THADA: variants seen among roughly 807,000 people sequenced by gnomAD.
The protein encoded by THADA is THADA armadillo repeat containing, also known as tRNA (32-2'-O)-methyltransferase regulator THADA.
THADA carries 213 observed loss-of-function variants against 219.8 expected under a neutral mutation model. The observed-to-expected ratio is 0.97, with a 90% confidence interval of 0.87 to 1.09. The LOEUF is 1.09. Ranked by LOEUF, THADA falls within the 50% of genes least tolerant of loss-of-function variation. The pLI, the probability that THADA is intolerant of heterozygous loss-of-function variation, is 0.00. For synonymous variants in THADA, 1,018 were observed against 828.9 expected, an observed-to-expected ratio of 1.23 and a Z score of -3.92; for missense variants, 2,956 against 2,311.3, an observed-to-expected ratio of 1.28 and a Z score of -5.72.
chr2:43,539,776 T>C (rs1695065286), intron 21 of THADA, among the ~76,000 whole-genome samples: 1 of 152,152 alleles, frequency 6.6e-6, no homozygotes, highest in Admixed American at 6.5e-5. Context: ...CTTTGGTTTA[T>C]AAGAACCTGT....
chr2:43,541,162 C>A lies in THADA; in HGVS notation c.3261G>T (p.Glu1087Asp), dbSNP rs1465385865. The change falls in exon 21 of 38, where the codon GAG (glutamate) becomes GAT (aspartate). Residue 1087 changes from glutamate (E) to aspartate (D), a missense_variant. Transcript: ENST00000405975. The part of the protein sequence containing the change: ...PESSDGLLTV[E>D]QVKEIGDYFK... The stretch of plus-strand genomic sequence containing the variant: ...GTGGAATAAACATGTGCCTTACCTG[C>A]TCCACCGTCAATAATCCATCAGAAG... The A allele has an allele frequency of 1.3e-6, 2 of 1,568,596 alleles. No homozygotes were observed. The highest frequency in any genetic ancestry group is 1.7e-6 in the Non-Finnish European group (2 of 1,163,088).
intron 30 of THADA, among the ~76,000 whole-genome samples, chr2:43,330,968 C>T (rs564016078): frequency 3.9e-5 from 6 of 152,338 alleles, no homozygotes. Flanking sequence ...ATTACCTCTT[C>T]TACAAATATC....
intron 29 of THADA, among the ~76,000 whole-genome samples, chr2:43,357,694 A>G (rs1669030866): frequency 6.6e-6 from 1 of 152,232 alleles, no homozygotes. Context: ...CAAACTGTAC[A>G]GTCATTATAA....
In THADA at chr2:43,286,896, C is replaced by G; in HGVS notation, c.5164+12G>C. The G allele has an allele frequency of 1.2e-6, 2 of 1,606,390 alleles. No homozygotes were observed. The highest frequency in any genetic ancestry group is 2.2e-5 in the South Asian group (2 of 90,806). ...AGTTTGGTACAACAGACTTCCGTCTCGGCGCACTTACCAAGAATAGGATGG... is the reference window on the plus strand; with the variant it reads ...AGTTTGGTACAACAGACTTCCGTCTGGGCGCACTTACCAAGAATAGGATGG... On this transcript the variant is annotated intron_variant, in intron 35 of 37. Transcript: ENST00000405975.
chr2:43,487,361 C>T (rs966986324), intron 25 of THADA, among the ~76,000 whole-genome samples: 2 of 152,118 alleles, frequency 1.3e-5, no homozygotes, highest in African/African-American at 4.8e-5. Flanking sequence ...CTGCCAGATG[C>T]AGTAAAATTA....
intron 28 of THADA, among the ~76,000 whole-genome samples, chr2:43,401,689 A>T (rs1674864097): frequency 6.6e-6 from 1 of 152,216 alleles, no homozygotes; most frequent in East Asian, 1.9e-4. Flanking sequence ...ACATTCCTGT[A>T]GACAAAAGGG....
chr2:43,237,071 C>CAA lies in THADA; in HGVS notation c.5297-4191_5297-4190dup, dbSNP rs35242458. On this transcript the variant is annotated intron_variant, in intron 36 of 37. Transcript: ENST00000405975. ...TGGGTGATGGAGCAAGACTCTGTCT[C>CAA]AAAAAAAAAAAAAAAAAAACCAGGG... Among the ~76,000 whole-genome samples the CAA allele has an allele frequency of 1.6e-3, 124 of 78,174 alleles. 1 individual carries two copies. Among genetic ancestry groups the CAA allele is most frequent in the African/African-American group, 4.3e-3 (102 of 23,632 alleles). 51.3% of individuals were successfully genotyped at this position (78,174 alleles called of 152,430 possible).
rs550922043 is a variant in THADA at position 43,536,896 on chromosome 2, T to C, written c.3264+4263A>G. Among the ~76,000 whole-genome samples the C allele has an allele frequency of 1.6e-3, 248 of 152,324 alleles. 1 individual carries two copies. The highest frequency in any genetic ancestry group is 1.8e-3 in the Non-Finnish European group (120 of 68,014). On this transcript the variant is annotated intron_variant, in intron 21 of 37. Coordinates refer to ENST00000405975, the MANE Select transcript of THADA (RefSeq NM_022065.5). ...ATAAGATTATGCATTTAAGTGTTTA[T>C]CAGAGTACCTGGCAAAGAGTAGCAA...
At chr2:43,490,662 C>T (rs1193675555) in intron 25 of THADA, among the ~76,000 whole-genome samples, 2 of 152,078 alleles carry the variant, frequency 1.3e-5, no homozygotes. Context: ...TTTCAGTTAC[C>T]TGTGGTATAG....
chr2:43,330,437 C>G (rs958858830), intron 30 of THADA, among the ~76,000 whole-genome samples: 12 of 152,222 alleles, frequency 7.9e-5, no homozygotes, highest in African/African-American at 2.9e-4. Flanking sequence ...CCAGCTCATG[C>G]TGCCCACAGC....
intron 26 of THADA, among the ~76,000 whole-genome samples, chr2:43,465,359 G>T (rs921028217): frequency 6.6e-6 from 1 of 152,154 alleles, no homozygotes; most frequent in Non-Finnish European, 1.5e-5. Context: ...ACTTAACGAT[G>T]CAAGATGGCT....
intron 34 of THADA, among the ~76,000 whole-genome samples, chr2:43,291,348 G>A (rs528450072): frequency 6.6e-6 from 1 of 150,802 alleles, no homozygotes; most frequent in African/African-American, 2.4e-5. Flanking sequence ...CTACTCAGGA[G>A]GCTGAGGCTG....
rs138228177 is a variant in THADA, at chr2:43,457,807, C to T, written c.3836+27427G>A. Among the ~76,000 whole-genome samples the T allele has an allele frequency of 2.0e-5, 3 of 152,172 alleles. No homozygotes were observed. In the East Asian group the frequency reaches 5.8e-4, roughly 29 times the overall value. On this transcript the variant is annotated intron_variant, in intron 26 of 37. Transcript: ENST00000405975. ...AGTCCAATTTCATTCTTTTTATTCACTTCCACTTCCTGTCTTTGCCCTTCA... is the reference window on the plus strand; with the variant it reads ...AGTCCAATTTCATTCTTTTTATTCATTTCCACTTCCTGTCTTTGCCCTTCA...
chr2:43,245,169 C>CTTTTTTTTTTTTTT (rs1558459342), intron 36 of THADA, among the ~76,000 whole-genome samples: 1 of 88,482 alleles, frequency 1.1e-5, no homozygotes, highest in Non-Finnish European at 2.1e-5. Context: ...TTTCTTTCTT[C>CTTTTTTTTTTTTTT]TTCTTTTTTT....
chr2:43,541,631 C>T (rs943801608), intron 20 of THADA, among the ~76,000 whole-genome samples: 1 of 151,932 alleles, frequency 6.6e-6, no homozygotes, highest in South Asian at 2.1e-4. Context: ...ACTTCAGCCT[C>T]CCTAGTAGCT....
intron 29 of THADA, among the ~76,000 whole-genome samples, chr2:43,388,440 G>C (rs1289458180): frequency 6.6e-6 from 1 of 152,198 alleles, no homozygotes; most frequent in Non-Finnish European, 1.5e-5. Context: ...CTTGGAATGT[G>C]CTAGATTAAT....
At chr2:43,345,547 C>A (rs372098350) in intron 29 of THADA, among the ~76,000 whole-genome samples, 3 of 152,308 alleles carry the variant, frequency 2.0e-5, no homozygotes, top group African/African-American at 7.2e-5. Flanking sequence ...CTTCACCACA[C>A]CCCCGCAGGG....
At chr2:43,362,051 G>A (rs1669582125) in intron 29 of THADA, among the ~76,000 whole-genome samples, 1 of 152,172 alleles carries the variant, frequency 6.6e-6, no homozygotes, top group African/African-American at 2.4e-5. Flanking sequence ...GGCTAAGAAA[G>A]CACATTCTTA....
At chr2:43,537,605 G>C (rs1694771452) in intron 21 of THADA, among the ~76,000 whole-genome samples, 1 of 152,120 alleles carries the variant, frequency 6.6e-6, no homozygotes, top group Non-Finnish European at 1.5e-5. Context: ...AATAACAAAA[G>C]ACACTACTGA....
Sources: gnomAD v4.1 joint callset for allele counts (sites outside exome capture counted in the v4.1 genomes callset) on GRCh38, gnomAD v4.1.1 for gene constraint, MANE v1.5 for transcripts, NCBI Gene and HGNC (gene_info 2026-07-23, HGNC 2026-07-21) for gene names.